Variants in TNKS observed in about 807,000 individuals in gnomAD.
TNKS encodes the protein tankyrase.
A neutral mutation model predicts 135.8 loss-of-function variants in TNKS; 72 were observed. That is an observed-to-expected ratio of 0.53 (90% CI 0.44 to 0.64). The LOEUF is 0.64. TNKS is among the 30% of genes least tolerant of loss of function. The probability of loss-of-function intolerance (pLI) is 0.00; values close to 1 mark genes in which losing one functional copy is unlikely to be tolerated. For synonymous variants in TNKS, 849 were observed against 649.3 expected (o/e 1.31, Z -4.68); for missense variants, 1,769 against 1,674.0 (o/e 1.06, Z -0.99).
rs58723864 is a variant in TNKS at position 9,694,761 on chromosome 8, CAAA to C, written c.1108-9887_1108-9885del. Among the ~76,000 whole-genome samples, 567 of 132,236 alleles carry C rather than the reference CAAA, an allele frequency of 4.3e-3. 2 individuals carry two copies. The highest frequency in any genetic ancestry group is 0.012 in the African/African-American group (427 of 35,674). 86.8% of individuals were successfully genotyped at this position (132,236 alleles called of 152,430 possible). A position where few individuals can be genotyped will look rare whatever the true frequency, so the allele number is the denominator to read the frequency against. On this transcript the variant is annotated intron_variant, in intron 5 of 26. Coordinates refer to ENST00000310430, the MANE Select transcript of TNKS (RefSeq NM_003747.3). Reference sequence around the variant, plus strand: ...TGGGCAACAGAGCGAGACTCTGTCTCAAAAAAAAAAAAAAAAAGATATTGTCCA... The same window carrying C: ...TGGGCAACAGAGCGAGACTCTGTCTCAAAAAAAAAAAAAAGATATTGTCCA...
chr8:9,673,933 T>G (rs1802421114), intron 3 of TNKS, among the ~76,000 whole-genome samples: 1 of 152,216 alleles, frequency 6.6e-6, no homozygotes. Flanking sequence ...AGTAACTTTC[T>G]TTTGAAAGAG....
intron 25 of TNKS, among the ~76,000 whole-genome samples, chr8:9,767,834 T>C (rs552794914): frequency 9.9e-5 from 15 of 151,776 alleles, no homozygotes; most frequent in Non-Finnish European, 2.1e-4. Flanking sequence ...TGGCAGGCGC[T>C]TGTAGTCCAA....
intron 3 of TNKS, chr8:9,671,265 A>C (rs529026638): frequency 6.6e-6 from 1 of 152,334 alleles, no homozygotes; most frequent in South Asian, 2.1e-4. Context: ...CCCAAGAAAA[A>C]TGAAGTTATT....
chr8:9,567,579 C>A (rs1445700610), intron 1 of TNKS, among the ~76,000 whole-genome samples: 1 of 152,158 alleles, frequency 6.6e-6, no homozygotes, highest in Non-Finnish European at 1.5e-5. Context: ...CCACGCCCGG[C>A]TAATTTTTTT....
At chr8:9,573,071 A>C (rs886583330) in intron 1 of TNKS, among the ~76,000 whole-genome samples, 33 of 151,994 alleles carry the variant, frequency 2.2e-4, no homozygotes, top group African/African-American at 6.5e-4. Flanking sequence ...CATATTTTAG[A>C]TTCTAGTTTT....
At chr8:9,772,815 G>T (rs1408021939) in intron 26 of TNKS, among the ~76,000 whole-genome samples, 2 of 74,542 alleles carry the variant, frequency 2.7e-5, no homozygotes, top group African/African-American at 1.3e-4. Flanking sequence ...GTGTTTGTGT[G>T]TGTGTGTGTG....
chr8:9,691,286 A>G (rs1803255034), intron 5 of TNKS, among the ~76,000 whole-genome samples: 1 of 152,090 alleles, frequency 6.6e-6, no homozygotes, highest in South Asian at 2.1e-4. Context: ...GTCCTGCTAT[A>G]TTAAACTATT....
intron 5 of TNKS, among the ~76,000 whole-genome samples, chr8:9,692,960 T>C (rs1440895196): frequency 6.6e-6 from 1 of 152,218 alleles, no homozygotes; most frequent in Admixed American, 6.5e-5. Context: ...TAAATATCAC[T>C]CTCTCAAAGA....
At chr8:9,670,378 A>T (rs961659994) in intron 3 of TNKS, among the ~76,000 whole-genome samples, 8 of 152,184 alleles carry the variant, frequency 5.3e-5, no homozygotes, top group African/African-American at 1.9e-4. Flanking sequence ...AAATTATCTT[A>T]TTGGGAAACC....
At position 9,674,713 on chromosome 8, in the gene TNKS, A is replaced by G. The variant is rs149114628; in HGVS notation, c.995-5238A>G. ...GGCTAAAATATTGGACAATGTAGAGATTATGTTGGTACTAAGCAGAGTGAT... is the reference window on the plus strand; with the variant it reads ...GGCTAAAATATTGGACAATGTAGAGGTTATGTTGGTACTAAGCAGAGTGAT... On this transcript the variant is annotated intron_variant, in intron 3 of 26. Transcript: ENST00000310430. Among the ~76,000 whole-genome samples the G allele has an allele frequency of 3.6e-3, 541 of 152,232 alleles. 3 individuals carry two copies. Among genetic ancestry groups the G allele is most frequent in the African/African-American group, 0.012 (505 of 41,568 alleles).
intron 5 of TNKS, among the ~76,000 whole-genome samples, chr8:9,689,843 CCG>C (rs1803177814): frequency 6.6e-6 from 1 of 152,182 alleles, no homozygotes; most frequent in Non-Finnish European, 1.5e-5. Context: ...CTAAGGTGGA[CCG>C]ATTCCCTCCT....
intron 13 of TNKS, among the ~76,000 whole-genome samples, chr8:9,729,868 G>A (rs1263151732): frequency 6.9e-6 from 1 of 144,180 alleles, no homozygotes; most frequent in East Asian, 2.0e-4. Context: ...CTGCCTCCTG[G>A]GTTCAAGCAA....
At chr8:9,704,843 C>A (rs1361914774) in intron 6 of TNKS, 86 bp downstream of exon 6, 3 of 1,023,654 alleles carry the variant, frequency 2.9e-6, no homozygotes, top group Admixed American at 2.0e-5. Context: ...AGTCATATGT[C>A]CCATTTGTTA....
intron 2 of TNKS, among the ~76,000 whole-genome samples, chr8:9,582,303 G>A (rs1798196277): frequency 6.6e-6 from 1 of 152,004 alleles, no homozygotes; most frequent in African/African-American, 2.4e-5. Context: ...AAAAAAAGTG[G>A]GAAGCCTTGT....
chr8:9,763,361 GTCTTA>G, intron 22 of TNKS, 117 bp downstream of exon 22: 1 of 519,314 alleles, frequency 1.9e-6, no homozygotes, highest in South Asian at 5.6e-5. Flanking sequence ...TAATCAGTCT[GTCTTA>G]GCCACTGTGG....
At chr8:9,729,311 C>T (rs1303357222) in intron 13 of TNKS, among the ~76,000 whole-genome samples, 1 of 152,212 alleles carries the variant, frequency 6.6e-6, no homozygotes, top group African/African-American at 2.4e-5. Context: ...AGCACTCCTA[C>T]TTCCTCTATC....
At chr8:9,676,874 G>A (rs1802564286) in intron 3 of TNKS, among the ~76,000 whole-genome samples, 1 of 151,662 alleles carries the variant, frequency 6.6e-6, no homozygotes, top group Admixed American at 6.6e-5. Context: ...TTCATTCCTG[G>A]TTGCTATTAT....
In TNKS at chr8:9,751,821, G is replaced by T. The variant is rs13265931; in HGVS notation, c.3045G>T (p.Ala1015=). 6.2e-7 allele frequency: 1 copy of T among 1,613,882 alleles called. No homozygotes were observed. Among genetic ancestry groups the T allele is most frequent in the African/African-American group, 1.3e-5 (1 of 74,950 alleles). The change falls in exon 19 of 27, where the codon GCG becomes GCT. Residue 1015 remains alanine (A), a synonymous_variant. Transcript: ENST00000310430. ...GGASNAGDGA[A]GTERKEGEVA... ...CCTCCAATGCAGGGGATGGCGCCGC[G>T]GGAACAGAAAGGAAGGAAGGAGAAG... is the stretch of plus-strand genomic sequence containing the variant.
chr8:9,637,147 A>C (rs1464635436), intron 3 of TNKS, among the ~76,000 whole-genome samples: 1 of 152,214 alleles, frequency 6.6e-6, no homozygotes, highest in East Asian at 1.9e-4. Flanking sequence ...AGATATGGGA[A>C]TTTCTCTTAA....
Sources: allele counts gnomAD v4.1 joint callset (sites outside exome capture counted in the v4.1 genomes callset), GRCh38; gene constraint gnomAD v4.1.1; transcripts MANE v1.5; gene names NCBI Gene and HGNC (gene_info 2026-07-23, HGNC 2026-07-21).